ATXN7: variants seen among roughly 807,000 people sequenced by gnomAD.
ATXN7 encodes the protein ataxin-7.
Under a neutral mutation model 70.5 loss-of-function variants are expected in ATXN7, and 12 were observed. The ratio of observed to expected loss-of-function variants is 0.17; its 90% CI spans 0.11 to 0.28. ATXN7 has a LOEUF of 0.28. Among genes scored for constraint, ATXN7 ranks in the 10% least tolerant of loss-of-function variants. ATXN7 has a pLI of 1.00. For missense variants in ATXN7, 1,256 were observed against 1,131.7 expected (o/e 1.11, Z -1.58); for synonymous variants, 498 against 448.7 (o/e 1.11, Z -1.39).
At chr3:63,988,419 T>C (rs1316936052) in intron 9 of ATXN7, 95 bp downstream of exon 9, 15 of 1,475,414 alleles carry the variant, frequency 1.0e-5, no homozygotes, top group Admixed American at 4.1e-5. Context: ...GAGAAACATA[T>C]CTCAGGCTCA....
At chr3:63,887,344 T>C (rs1208104924) in intron 1 of ATXN7, among the ~76,000 whole-genome samples, 1 of 152,216 alleles carries the variant, frequency 6.6e-6, no homozygotes, top group Non-Finnish European at 1.5e-5. Flanking sequence ...TATTGGCACA[T>C]TGCAAAAATT....
chr3:63,919,402 T>C (rs1277361248), intron 4 of ATXN7, among the ~76,000 whole-genome samples: 1 of 152,186 alleles, frequency 6.6e-6, no homozygotes, highest in East Asian at 1.9e-4. Flanking sequence ...ATCTGCAGAA[T>C]CGCAGAATAC....
chr3:63,915,890 TAGTC>T (rs1268209856), intron 4 of ATXN7, among the ~76,000 whole-genome samples: 2 of 152,028 alleles, frequency 1.3e-5, no homozygotes, highest in Non-Finnish European at 2.9e-5. Context: ...TTCACCATGT[TAGTC>T]AGTCTGGTCT....
rs561907400 is a variant in ATXN7, at chr3:63,991,742, T to A, written c.1682+883T>A. Among the ~76,000 whole-genome samples the A allele has an allele frequency of 1.6e-3, 251 of 152,176 alleles. 1 individual carries two copies. Among genetic ancestry groups the A allele is most frequent in the Non-Finnish European group, 2.2e-3 (151 of 68,002 alleles). ...ATTTAAGACACCTTGTGTGATATTA[T>A]GTACCTAATGCTTCCCAAACAGGAT... On this transcript the variant is annotated intron_variant, in intron 11 of 12. Transcript: ENST00000674280.
intron 8 of ATXN7, among the ~76,000 whole-genome samples, chr3:63,986,042 G>A (rs2075573567): frequency 6.6e-6 from 1 of 152,222 alleles, no homozygotes; most frequent in Admixed American, 6.5e-5. Flanking sequence ...AGGCTTTCTT[G>A]CCATAGGAAC....
At chr3:63,940,635 A>G (rs1008151267) in intron 4 of ATXN7, among the ~76,000 whole-genome samples, 2 of 152,200 alleles carry the variant, frequency 1.3e-5, no homozygotes, top group African/African-American at 4.8e-5. Context: ...TTAGACAGAT[A>G]TAGACCGCAA....
chr3:63,983,048 G>A (rs969943765), intron 8 of ATXN7, 27 bp downstream of exon 8: 3 of 1,567,744 alleles, frequency 1.9e-6, no homozygotes, highest in African/African-American at 1.4e-5. Context: ...AAGTCAAGTC[G>A]ACCATCCTGA....
chr3:63,881,062 G>A (rs1702892736), intron 1 of ATXN7, among the ~76,000 whole-genome samples: 1 of 152,148 alleles, frequency 6.6e-6, no homozygotes, highest in Admixed American at 6.5e-5. Context: ...TGATGATAAT[G>A]GCTATCATTT....
intron 4 of ATXN7, among the ~76,000 whole-genome samples, chr3:63,938,174 A>T (rs2074696799): frequency 6.6e-6 from 1 of 152,232 alleles, no homozygotes; most frequent in African/African-American, 2.4e-5. Flanking sequence ...TTGTTCAGGT[A>T]TGTTGACCAG....
chr3:63,928,021 TGTA>T lies in ATXN7; in HGVS notation c.394+14799_394+14801del, dbSNP rs371662474. Among the ~76,000 whole-genome samples the T allele has an allele frequency of 2.6e-4, 40 of 152,362 alleles. 1 individual carries two copies. The highest frequency in any genetic ancestry group is 8.7e-4 in the African/African-American group (36 of 41,592). On this transcript the variant is annotated intron_variant, in intron 4 of 12. Coordinates refer to ENST00000674280, the MANE Select transcript of ATXN7 (RefSeq NM_001377405.1). ...TCATGAATCATATTCTCATTGTGGT[TGTA>T]GTTACGCTAGGGTAACAAATACAAC...
intron 4 of ATXN7, among the ~76,000 whole-genome samples, chr3:63,939,405 C>T (rs2074717554): frequency 6.6e-6 from 1 of 152,132 alleles, no homozygotes; most frequent in Non-Finnish European, 1.5e-5. Context: ...TCCTCACTTC[C>T]ACTTTCAAAC....
intron 1 of ATXN7, among the ~76,000 whole-genome samples, chr3:63,885,573 A>T (rs1339986959): frequency 1.3e-5 from 2 of 152,142 alleles, no homozygotes; most frequent in Non-Finnish European, 2.9e-5. Flanking sequence ...GAACTATATG[A>T]CCCATCAGTC....
chr3:63,982,825 G>T, intron 7 of ATXN7, 114 bp from the exon 8 acceptor site: 1 of 807,378 alleles, frequency 1.2e-6, no homozygotes, highest in Non-Finnish European at 2.1e-6. Context: ...TGATAATGTG[G>T]CTTTTATTCC....
At chr3:63,913,067 C>T (rs1704119857) in intron 3 of ATXN7, 90 bp from the exon 4 acceptor site, 1 of 1,496,752 alleles carries the variant, frequency 6.7e-7, no homozygotes, top group Admixed American at 1.7e-5. Flanking sequence ...GCGGAGGTGC[C>T]CACACCTACC....
chr3:63,901,677 C>G (rs947256503), intron 2 of ATXN7: 20 of 152,184 alleles, frequency 1.3e-4, no homozygotes, highest in African/African-American at 3.9e-4. Flanking sequence ...AAGTGTTTCT[C>G]CCACCTTGGC....
chr3:63,995,788 C>T lies in ATXN7; in HGVS notation c.1966C>T (p.Pro656Ser), dbSNP rs763291634. 4 of 1,614,110 alleles carry T rather than the reference C, an allele frequency of 2.5e-6. No individual in the cohort carries two copies. The highest frequency in any genetic ancestry group is 3.4e-6 in the Non-Finnish European group (4 of 1,180,062). The change falls in exon 12 of 13, where the codon CCC (proline) becomes TCC (serine). Residue 656 changes from proline (P) to serine (S), a missense_variant. Physicochemically the swap from Pro to Ser is moderately conservative, Grantham distance 74. Coordinates refer to ENST00000674280, the MANE Select transcript of ATXN7 (RefSeq NM_001377405.1). ...VSSSSSSPST[P>S]SGLSSVPSSP... is the part of the protein sequence containing the mutation. ...CTCTTCATCCTCATCCCCTTCCACG[C>T]CCTCTGGCCTTTCCTCGGTTCCTTC...
intron 1 of ATXN7, among the ~76,000 whole-genome samples, chr3:63,866,301 G>A (rs960545857): frequency 6.6e-6 from 1 of 152,146 alleles, no homozygotes; most frequent in African/African-American, 2.4e-5. Context: ...AGGCTGGAGT[G>A]CAGTGGCACG....
intron 1 of ATXN7, among the ~76,000 whole-genome samples, chr3:63,880,047 C>T (rs1702862972): frequency 6.6e-6 from 1 of 151,964 alleles, no homozygotes; most frequent in Non-Finnish European, 1.5e-5. Context: ...GATCGCGCCA[C>T]TGCACTCTAT....
intron 2 of ATXN7, among the ~76,000 whole-genome samples, chr3:63,909,164 C>T (rs1703935089): frequency 6.6e-6 from 1 of 151,696 alleles, no homozygotes; most frequent in African/African-American, 2.4e-5. Context: ...AGTTTTCAGA[C>T]AGTGAAGTTC....
Sources: allele counts gnomAD v4.1 joint callset (sites outside exome capture counted in the v4.1 genomes callset), GRCh38; gene constraint gnomAD v4.1.1; transcripts MANE v1.5; gene names NCBI Gene and HGNC (gene_info 2026-07-23, HGNC 2026-07-21).